Variants in TXNDC15 observed in about 807,000 individuals in gnomAD.
TXNDC15 encodes the protein thioredoxin domain-containing protein 15.
TXNDC15 carries 24 observed loss-of-function variants against 35.0 expected under a neutral mutation model. That is an observed-to-expected ratio of 0.68 (90% CI 0.50 to 0.96). The LOEUF (loss-of-function observed/expected upper bound fraction) is 0.96. TXNDC15 is among the 40% of genes least tolerant of loss of function. The pLI is 0.00. For synonymous variants in TXNDC15, 169 were observed against 174.0 expected (o/e 0.97, Z 0.23); for missense variants, 385 against 453.3 (o/e 0.85, Z 1.37).
At chr5:134,895,441 C>G (rs1265566620) in intron 3 of TXNDC15, among the ~76,000 whole-genome samples, 1 of 152,186 alleles carries the variant, frequency 6.6e-6, no homozygotes, top group African/African-American at 2.4e-5. Context: ...ACTGTCCCTC[C>G]TGCCTCTCCC....
chr5:134,889,972 C>A (rs1750356195), intron 2 of TXNDC15, among the ~76,000 whole-genome samples: 1 of 152,200 alleles, frequency 6.6e-6, no homozygotes, highest in Non-Finnish European at 1.5e-5. Flanking sequence ...GGTAGAGGGT[C>A]TTGCCTTGAT....
At chr5:134,887,223 C>T (rs61049332) in intron 1 of TXNDC15, among the ~76,000 whole-genome samples, 10,062 of 152,220 alleles carry the variant, frequency 0.066, 536 homozygotes, top group East Asian at 0.21. Context: ...CTTGCTCTGT[C>T]GCCCAGACTG....
chr5:134,893,574 G>T lies in TXNDC15; in HGVS notation c.674G>T (p.Ser225Ile), dbSNP rs1452943756. The T allele has an allele frequency of 6.2e-7, 1 of 1,614,056 alleles. No individual in the cohort carries two copies. The highest frequency in any genetic ancestry group is 1.3e-5 in the African/African-American group (1 of 74,922). ...ACCCCGTGGTGCCGCTTTTCTGCCA[G>T]TTTGGCCCCTCACTTTAACTCTCTG... Reference protein sequence around the residue: ...FYTPWCRFSASLAPHFNSLPR... With the variant: ...FYTPWCRFSAILAPHFNSLPR... The change falls in exon 3 of 5, where the codon AGT becomes ATT. Residue 225 changes from serine to isoleucine, a missense_variant. By Grantham distance (142) the Ser-to-Ile change is moderately radical (BLOSUM62 -2). Transcript: ENST00000358387.
chr5:134,880,945 GT>G (rs1173256462), intron 1 of TXNDC15, among the ~76,000 whole-genome samples: 1 of 151,740 alleles, frequency 6.6e-6, no homozygotes, highest in Admixed American at 6.6e-5. Flanking sequence ...TTGAGTTTGG[GT>G]TTTGTTGAGC....
chr5:134,877,888 T>G (rs914368720), intron 1 of TXNDC15, among the ~76,000 whole-genome samples: 12 of 151,926 alleles, frequency 7.9e-5, no homozygotes, highest in Admixed American at 3.9e-4. Flanking sequence ...TTCTCTTGTC[T>G]CAGCTTCCTG....
At position 134,893,655 on chromosome 5, in the gene TXNDC15, G is replaced by A; in HGVS notation, c.755G>A (p.Ser252Asn). ...GCACTGGATGCATCTCAGCACAGCA[G>A]GTATCTTCCATTGGTGGGGTTTACG... ...FLALDASQHS[S>N]LSTRFGTVAV... is the part of the protein sequence containing the mutation. The change falls in exon 3 of 5, where the codon AGC (serine) becomes AAC (asparagine). Residue 252 changes from serine (S) to asparagine (N), a missense_variant and splice_region_variant. Transcript: ENST00000358387. The A allele has an allele frequency of 6.2e-7, 1 of 1,614,102 alleles. No individual in the cohort carries two copies. Among genetic ancestry groups the A allele is most frequent in the Non-Finnish European group, 8.5e-7 (1 of 1,180,016 alleles).
At position 134,893,659 on chromosome 5, in the gene TXNDC15, T is replaced by C; in HGVS notation, c.755+4T>C. On this transcript the variant is annotated splice_donor_region_variant and intron_variant, in intron 3 of 4. Coordinates refer to ENST00000358387, the MANE Select transcript of TXNDC15 (RefSeq NM_024715.4). ...TGGATGCATCTCAGCACAGCAGGTA[T>C]CTTCCATTGGTGGGGTTTACGTCCA... 1 of 1,614,152 alleles carries C rather than the reference T, an allele frequency of 6.2e-7. No individual in the cohort carries two copies. Among genetic ancestry groups the C allele is most frequent in the Non-Finnish European group, 8.5e-7 (1 of 1,180,020 alleles).
intron 1 of TXNDC15, among the ~76,000 whole-genome samples, chr5:134,880,999 G>A (rs2150184515): frequency 6.6e-6 from 1 of 151,876 alleles, no homozygotes; most frequent in South Asian, 2.1e-4. Context: ...AGTTTGGAAA[G>A]TTTTTGGCTA....
chr5:134,888,266 T>C (rs1750318622), intron 2 of TXNDC15, 84 bp downstream of exon 2: 1 of 1,327,200 alleles, frequency 7.5e-7, no homozygotes, highest in Non-Finnish European at 1.0e-6. Flanking sequence ...AAATGGAAAA[T>C]CATGATCTTG....
At chr5:134,874,227 A>T, upstream of TXNDC15, 3 of 546,062 alleles carry the variant, frequency 5.5e-6, no homozygotes, top group Non-Finnish European at 9.6e-6. Context: ...CTTAGCTCCT[A>T]AAGAGGTCTC....
chr5:134,894,549 C>T (rs148662930), intron 3 of TXNDC15, among the ~76,000 whole-genome samples: 5 of 151,910 alleles, frequency 3.3e-5, no homozygotes, highest in African/African-American at 1.2e-4. Flanking sequence ...TATTTTTAAA[C>T]GGGGTTTCAC....
chr5:134,899,636 A>C lies in TXNDC15; in HGVS notation c.1034A>C (p.Glu345Ala). The change falls in exon 5 of 5, where the codon GAG becomes GCG. Residue 345 changes from glutamate to alanine, a missense_variant. Glu to Ala is a moderately radical substitution (Grantham distance 107, BLOSUM62 -1). Transcript: ENST00000358387. ...SFIMYATIRT[E>A]SIRWLIPGQE... is the part of the protein sequence containing the mutation. ...ATTATGTATGCTACCATTCGAACTG[A>C]GAGTATTCGGTGGCTAATTCCAGGA... 6 of 1,613,350 alleles carry C rather than the reference A, an allele frequency of 3.7e-6. No homozygotes were observed. Among genetic ancestry groups the C allele is most frequent in the Non-Finnish European group, 5.1e-6 (6 of 1,179,794 alleles).
rs1389350872 is a variant in TXNDC15, at chr5:134,901,274, G to A, written c.*1589G>A. The A allele has an allele frequency of 6.6e-6, 1 of 152,182 alleles. No homozygotes were observed. The highest frequency in any genetic ancestry group is 2.4e-5 in the African/African-American group (1 of 41,442). 9.4% of individuals were successfully genotyped at this position (152,182 alleles called of 1,614,324 possible). A position where few individuals can be genotyped will look rare whatever the true frequency, so the allele number is the denominator to read the frequency against. On this transcript the variant is annotated 3_prime_UTR_variant, in exon 5 of 5. Transcript: ENST00000358387. ...CTCAGATGAGTCTCCTTCTTAGAGT[G>A]TTACAATGAATGGGAGTTTACAACT... is the stretch of plus-strand genomic sequence containing the variant.
chr5:134,895,491 C>T (rs1750471469), intron 3 of TXNDC15, among the ~76,000 whole-genome samples: 1 of 152,206 alleles, frequency 6.6e-6, no homozygotes, highest in Non-Finnish European at 1.5e-5. Context: ...TTCCTTCCTT[C>T]AGCTCCATGT....
At chr5:134,874,321 G>A (rs1749981864), upstream of TXNDC15, 9 of 909,174 alleles carry the variant, frequency 9.9e-6, no homozygotes, top group Non-Finnish European at 1.3e-5. Flanking sequence ...GTGTTAAGAT[G>A]GCGGCGCGGG....
intron 4 of TXNDC15, among the ~76,000 whole-genome samples, chr5:134,897,835 C>T (rs1042369963): frequency 2.6e-5 from 4 of 151,960 alleles, no homozygotes; most frequent in Admixed American, 1.3e-4. Context: ...ATGGCGAAAC[C>T]CTGTCTCTAC....
intron 1 of TXNDC15, among the ~76,000 whole-genome samples, chr5:134,877,254 G>A (rs1048137186): frequency 2.6e-5 from 4 of 152,142 alleles, no homozygotes; most frequent in Admixed American, 1.3e-4. Flanking sequence ...GATAGGAGGA[G>A]TGTAAATGAT....
At chr5:134,876,213 C>T (rs889700986) in intron 1 of TXNDC15, among the ~76,000 whole-genome samples, 1 of 152,172 alleles carries the variant, frequency 6.6e-6, no homozygotes, top group Non-Finnish European at 1.5e-5. Flanking sequence ...CTCCACCGTG[C>T]TCTGTGCCCT....
chr5:134,886,629 C>T (rs780882034), intron 1 of TXNDC15, among the ~76,000 whole-genome samples: 1 of 152,230 alleles, frequency 6.6e-6, no homozygotes, highest in African/African-American at 2.4e-5. Context: ...AGCCCATCTC[C>T]CAGCACTCCC....
Sources: allele counts gnomAD v4.1 joint callset (sites outside exome capture counted in the v4.1 genomes callset), GRCh38; gene constraint gnomAD v4.1.1; transcripts MANE v1.5; gene names NCBI Gene and HGNC (gene_info 2026-07-23, HGNC 2026-07-21).